Variants in ZNF469 observed in about 807,000 individuals in gnomAD.
ZNF469 encodes zinc finger protein 469.
A neutral mutation model predicts 1.0 loss-of-function variants in ZNF469; 1 was observed. That is an observed-to-expected ratio of 1.00 (90% confidence interval 0.35 to 4.73). ZNF469 has a LOEUF of 4.73. Among genes scored for constraint, ZNF469 ranks in the 30% most tolerant of loss-of-function variants. The probability of loss-of-function intolerance (pLI) is 0.16; values close to 1 mark genes in which losing one functional copy is unlikely to be tolerated. For missense variants in ZNF469, 6,100 were observed against 5,356.3 expected, an observed-to-expected ratio of 1.14 and a Z score of -4.33; for synonymous variants, 2,703 against 2,363.4, an observed-to-expected ratio of 1.14 and a Z score of -4.17.
the ZNF469 span, among the ~76,000 whole-genome samples, chr16:88,253,958 T>C: frequency 1.5e-5 from 2 of 136,078 alleles, no homozygotes; most frequent in Non-Finnish European, 3.4e-5. Context: ...TCCTAGTCTG[T>C]AGCTTTTTTT....
the ZNF469 span, among the ~76,000 whole-genome samples, chr16:88,120,294 C>T: frequency 6.6e-6 from 1 of 152,222 alleles, no homozygotes; most frequent in Non-Finnish European, 1.5e-5. Context: ...GGGGTCCTTG[C>T]AGGAGGCCCA....
the ZNF469 span, among the ~76,000 whole-genome samples, chr16:88,216,930 T>A: frequency 2.0e-5 from 3 of 148,664 alleles, no homozygotes; most frequent in Non-Finnish European, 2.9e-5. Context: ...TCCTTTTAGT[T>A]TTTTTTTCTT....
chr16:88,285,875 C>T, the ZNF469 span, among the ~76,000 whole-genome samples: 1 of 152,266 alleles, frequency 6.6e-6, no homozygotes, highest in Non-Finnish European at 1.5e-5. Flanking sequence ...GCCACTTGGC[C>T]TGTGGCCACA....
upstream of ZNF469, among the ~76,000 whole-genome samples, chr16:88,382,643 C>T (rs2092528190): frequency 1.3e-5 from 2 of 152,204 alleles, no homozygotes; most frequent in African/African-American, 4.8e-5. Flanking sequence ...CATGTGTGGG[C>T]ACCTGGGGAG....
chr16:88,285,235 A>G, the ZNF469 span, among the ~76,000 whole-genome samples: 1,133 of 152,368 alleles, frequency 7.4e-3, 16 homozygotes, highest in African/African-American at 0.026. Context: ...AGGCAGCATC[A>G]GCCCCGCCTC....
At chr16:88,302,440 C>A in the ZNF469 span, 3 of 152,210 alleles carry the variant, frequency 2.0e-5, no homozygotes, top group South Asian at 6.2e-4. Context: ...TCCTTTGGCC[C>A]GGAAGCGCGG....
chr16:88,170,224 C>T, the ZNF469 span, among the ~76,000 whole-genome samples: 2 of 152,206 alleles, frequency 1.3e-5, no homozygotes, highest in African/African-American at 4.8e-5. This position sits in a 1 kb window ranked among gnomAD's most constrained non-coding sequence, Gnocchi z 4.2. Flanking sequence ...TGTGCGTATA[C>T]ACTGCCGAAT....
At chr16:88,158,484 T>C in the ZNF469 span, among the ~76,000 whole-genome samples, 1 of 152,168 alleles carries the variant, frequency 6.6e-6, no homozygotes, top group South Asian at 2.1e-4. Flanking sequence ...ACTCCGACAG[T>C]GGAAGCACCA....
intron 2 of ZNF469, among the ~76,000 whole-genome samples, chr16:88,425,449 A>G (rs1475358985): frequency 7.5e-6 from 1 of 134,166 alleles, no homozygotes; most frequent in South Asian, 2.2e-4. Context: ...AGCCCAGTGC[A>G]GGGCAGGAGA....
At chr16:88,316,598 G>C in the ZNF469 span, among the ~76,000 whole-genome samples, 2 of 144,802 alleles carry the variant, frequency 1.4e-5, no homozygotes, top group Non-Finnish European at 3.0e-5. Flanking sequence ...TCAGGCTGGA[G>C]TGCAGTGACA....
chr16:88,107,490 CT>C, the ZNF469 span, among the ~76,000 whole-genome samples: 1 of 152,244 alleles, frequency 6.6e-6, no homozygotes, highest in South Asian at 2.1e-4. Flanking sequence ...TCACCGCCCC[CT>C]GGGCTCTCCC....
At chr16:88,206,232 A>G in the ZNF469 span, among the ~76,000 whole-genome samples, 2 of 152,348 alleles carry the variant, frequency 1.3e-5, no homozygotes, top group Admixed American at 6.5e-5. Context: ...CGGAAGGGCC[A>G]GGACTTCACT....
the ZNF469 span, among the ~76,000 whole-genome samples, chr16:88,351,599 G>A: frequency 6.6e-6 from 1 of 152,190 alleles, no homozygotes; most frequent in Admixed American, 6.5e-5. Context: ...CAAAGGGGCC[G>A]CCGACGCTCC....
the ZNF469 span, among the ~76,000 whole-genome samples, chr16:88,197,606 C>G: frequency 2.0e-5 from 3 of 152,210 alleles, no homozygotes; most frequent in East Asian, 3.9e-4. Flanking sequence ...TCAGCAGCTG[C>G]TGCCTCAACA....
At chr16:88,383,581 C>T (rs2092530775) in intron 1 of ZNF469, among the ~76,000 whole-genome samples, 1 of 150,272 alleles carries the variant, frequency 6.7e-6, no homozygotes, top group Non-Finnish European at 1.5e-5. Context: ...AACGTACTGG[C>T]GAGGGCCGCG....
At chr16:88,173,222 T>C in the ZNF469 span, among the ~76,000 whole-genome samples, 1 of 152,118 alleles carries the variant, frequency 6.6e-6, no homozygotes, top group East Asian at 1.9e-4. Flanking sequence ...AGCAGCCAGA[T>C]AAGAAAAAAC....
intron 1 of ZNF469, among the ~76,000 whole-genome samples, chr16:88,407,524 G>A (rs1421443390): frequency 6.6e-6 from 1 of 152,238 alleles, no homozygotes; most frequent in African/African-American, 2.4e-5. Context: ...ACGAGGCCGT[G>A]TGCATCCGAC....
chr16:88,393,672 C>G (rs1451333610), intron 1 of ZNF469, among the ~76,000 whole-genome samples: 3 of 152,230 alleles, frequency 2.0e-5, no homozygotes, highest in East Asian at 1.9e-4. Flanking sequence ...GTATTTCACA[C>G]CCTCAGCCTC....
At chr16:88,233,023 G>C in the ZNF469 span, among the ~76,000 whole-genome samples, 4 of 152,196 alleles carry the variant, frequency 2.6e-5, no homozygotes, top group South Asian at 8.3e-4. Flanking sequence ...TCCTCCGCCA[G>C]ATCCTCAGGC....
Sources: gnomAD v4.1 joint callset for allele counts (sites outside exome capture counted in the v4.1 genomes callset) on GRCh38, gnomAD v4.1.1 for gene constraint, Gnocchi (gnomAD v3.1) non-coding constraint, MANE v1.5 for transcripts, NCBI Gene and HGNC (gene_info 2026-07-23, HGNC 2026-07-21) for gene names.